The following VPS13B variants were observed in gnomAD, a reference collection of about 807,000 sequenced individuals.
VPS13B encodes vacuolar protein sorting 13 homolog B, also known as intermembrane lipid transfer protein VPS13B.
Under a neutral mutation model 426.4 loss-of-function variants are expected in VPS13B, and 285 were observed. The observed-to-expected ratio is 0.67, with a 90% CI of 0.61 to 0.74. The LOEUF is 0.74. Among genes scored for constraint, VPS13B ranks in the 30% least tolerant of loss-of-function variants. The pLI is 0.00. For missense variants in VPS13B, 4,537 were observed against 4,782.6 expected, an observed-to-expected ratio of 0.95 and a Z score of 1.51; for synonymous variants, 1,676 against 1,676.4, an observed-to-expected ratio of 1.00 and a Z score of 0.01.
chr8:99,349,353 A>AAAAAAG (rs1811739274), intron 19 of VPS13B, among the ~76,000 whole-genome samples: 1 of 149,912 alleles, frequency 6.7e-6, no homozygotes, highest in South Asian at 2.1e-4. Context: ...AAAAAAAAAA[A>AAAAAAG]AAGAAAATAG....
chr8:99,716,084 C>G (rs1468929722), intron 36 of VPS13B, among the ~76,000 whole-genome samples: 1 of 152,042 alleles, frequency 6.6e-6, no homozygotes, highest in Non-Finnish European at 1.5e-5. Context: ...TTTGATGAAA[C>G]ATTTTAAGAA....
intron 17 of VPS13B, among the ~76,000 whole-genome samples, chr8:99,217,140 T>C (rs752939673): frequency 6.6e-6 from 1 of 152,212 alleles, no homozygotes; most frequent in Non-Finnish European, 1.5e-5. Flanking sequence ...TCAAAACAAC[T>C]GTAACAGATC....
chr8:99,486,899 G>A (rs752762471), intron 25 of VPS13B, among the ~76,000 whole-genome samples: 11 of 152,112 alleles, frequency 7.2e-5, no homozygotes, highest in Non-Finnish European at 1.5e-4. Context: ...TGAAATTGGA[G>A]TTTATGAGAA....
intron 24 of VPS13B, among the ~76,000 whole-genome samples, chr8:99,468,985 C>T (rs568137192): frequency 7.2e-4 from 110 of 151,942 alleles, no homozygotes; most frequent in African/African-American, 2.6e-3. Context: ...ATATACTATA[C>T]TGTTTGATTT....
chr8:99,022,487 G>T (rs1587924856), intron 2 of VPS13B, among the ~76,000 whole-genome samples: 1 of 151,962 alleles, frequency 6.6e-6, no homozygotes, highest in African/African-American at 2.4e-5. Context: ...GCAGCACATT[G>T]TCTGTATGAT....
intron 19 of VPS13B, among the ~76,000 whole-genome samples, chr8:99,349,332 C>CAAAAAAAAAAAAA (rs35441676): frequency 1.0e-4 from 5 of 47,736 alleles, no homozygotes; most frequent in African/African-American, 5.1e-4. Context: ...GACTCCGTCT[C>CAAAAAAAAAAAAA]AAAAAAAAAA....
rs968700495 is a variant in VPS13B, at chr8:99,013,636, CTCTGTT to C, written c.-29-120_-29-115del. 3.4e-5 allele frequency: 28 copies of C among 831,218 alleles called. 1 individual carries two copies. In the Middle Eastern group the frequency reaches 2.1e-3, roughly 62 times the overall value. 51.5% of individuals were successfully genotyped at this position (831,218 alleles called of 1,614,324 possible). ...GAGCTGGGAGTCCGCTGGAGTTTTT[CTCTGTT>C]TCTAAGAGGAGGCGAACGGCCGCTT... On this transcript the variant is annotated intron_variant, in intron 1 of 61. Coordinates refer to ENST00000357162, the MANE Select transcript of VPS13B (RefSeq NM_152564.5).
intron 39 of VPS13B, among the ~76,000 whole-genome samples, chr8:99,723,564 G>T (rs1255602835): frequency 6.6e-6 from 1 of 151,924 alleles, no homozygotes; most frequent in Non-Finnish European, 1.5e-5. Context: ...GATGACTATT[G>T]TCCAAACTCC....
In VPS13B at chr8:99,111,265, C is replaced by G; in HGVS notation, c.748C>G (p.Pro250Ala). Residue 250 changes from proline (P) to alanine (A), a missense_variant, in exon 6 of 62, where the codon CCA becomes GCA. Around this residue, in one of 2 missense-constraint regions of VPS13B, gnomAD observed 226 missense variants for 308.3 expected, o/e 0.73. Transcript: ENST00000357162. ...ATATGAAAACCTAAATTCCAAGATG[C>G]CATCTGTTATTAAAGTAGGTATCTC... ...FTYENLNSKMPSVIKIHTLVE... is the reference protein window; with the variant it reads ...FTYENLNSKMASVIKIHTLVE... 6.2e-7 allele frequency: 1 copy of G among 1,601,194 alleles called. No homozygotes were observed. Among genetic ancestry groups the G allele is most frequent in the Non-Finnish European group, 8.5e-7 (1 of 1,174,972 alleles).
intron 17 of VPS13B, among the ~76,000 whole-genome samples, chr8:99,266,076 G>C (rs1408565443): frequency 6.6e-6 from 1 of 152,050 alleles, no homozygotes; most frequent in African/African-American, 2.4e-5. Context: ...ATTCTCATTA[G>C]TTCATCATTT....
chr8:99,852,120 G>A (rs186736365), intron 55 of VPS13B, among the ~76,000 whole-genome samples: 9 of 152,284 alleles, frequency 5.9e-5, no homozygotes, highest in Admixed American at 5.9e-4. Context: ...GGATGACACC[G>A]AAATTTTTGG....
chr8:99,193,210 G>A (rs556363527), intron 17 of VPS13B, among the ~76,000 whole-genome samples, 153 bp downstream of exon 17: 1 of 152,270 alleles, frequency 6.6e-6, no homozygotes, highest in Non-Finnish European at 1.5e-5. Flanking sequence ...TTAAAATCCA[G>A]ATTATGAGTT....
chr8:99,507,788 G>A lies in VPS13B; in HGVS notation c.4224+585G>A. On this transcript the variant is annotated intron_variant, in intron 28 of 61. Coordinates refer to ENST00000357162, the MANE Select transcript of VPS13B (RefSeq NM_152564.5). ...CTTCAAGCCTTGGGGAAGAGTGTTG[G>A]TCTTTGGGGCAATGTGGAGGTGTCT... 6.2e-7 allele frequency: 1 copy of A among 1,613,952 alleles called. No homozygotes were observed. The highest frequency in any genetic ancestry group is 1.1e-5 in the South Asian group (1 of 91,072).
chr8:99,566,499 G>A (rs1192189304), intron 31 of VPS13B, among the ~76,000 whole-genome samples: 1 of 151,390 alleles, frequency 6.6e-6, no homozygotes, highest in East Asian at 2.0e-4. Context: ...GGAGTGTAGT[G>A]GTGCAGTCTC....
chr8:99,223,190 A>G (rs993600372), intron 17 of VPS13B, among the ~76,000 whole-genome samples: 2 of 152,228 alleles, frequency 1.3e-5, no homozygotes, highest in Non-Finnish European at 2.9e-5. Flanking sequence ...TATTTATTTT[A>G]CTGTGTATTA....
chr8:99,234,891 G>T (rs942693076), intron 17 of VPS13B, among the ~76,000 whole-genome samples: 5 of 151,922 alleles, frequency 3.3e-5, no homozygotes, highest in Non-Finnish European at 7.4e-5. Flanking sequence ...TGAGGAAGGG[G>T]AACAAAATGA....
chr8:99,770,354 T>TAGATTCACTCTTTTTGGTCG (rs1563909424), intron 40 of VPS13B, among the ~76,000 whole-genome samples: 20 of 148,984 alleles, frequency 1.3e-4, no homozygotes, highest in East Asian at 2.0e-4. Context: ...GCCCTGGTCA[T>TAGATTCACTCTTTTTGGTCG]GCTATCCATT....
At chr8:99,235,426 A>G (rs1046670093) in intron 17 of VPS13B, among the ~76,000 whole-genome samples, 2 of 152,204 alleles carry the variant, frequency 1.3e-5, no homozygotes, top group African/African-American at 4.8e-5. Flanking sequence ...GTAGTGTGCT[A>G]TATTTTAACA....
At chr8:99,069,764 T>C (rs554214021) in intron 3 of VPS13B, among the ~76,000 whole-genome samples, 2 of 152,248 alleles carry the variant, frequency 1.3e-5, no homozygotes, top group African/African-American at 4.8e-5. Context: ...GAGAAGGAAA[T>C]TGGAAGAGTA....
Sources: allele counts gnomAD v4.1 joint callset (sites outside exome capture counted in the v4.1 genomes callset), GRCh38; gene constraint gnomAD v4.1.1; regional missense constraint gnomAD v4.1.1; transcripts MANE v1.5; gene names NCBI Gene and HGNC (gene_info 2026-07-23, HGNC 2026-07-21).